The following CHST3 variants were observed in gnomAD, a reference collection of about 807,000 sequenced individuals.
CHST3 encodes the protein C6ST-1.
CHST3 carries 20 observed loss-of-function variants against 35.4 expected under a neutral mutation model. The ratio of observed to expected loss-of-function variants is 0.57; its 90% confidence interval spans 0.40 to 0.82. The LOEUF (loss-of-function observed/expected upper bound fraction) is 0.82. CHST3 is among the 40% of genes least tolerant of loss of function. The pLI is 0.00. For missense variants in CHST3, 693 were observed against 670.1 expected (o/e 1.03, Z -0.38); for synonymous variants, 334 against 295.9 (o/e 1.13, Z -1.32).
intron 1 of CHST3, among the ~76,000 whole-genome samples, chr10:71,978,955 A>C (rs1399040009): frequency 6.6e-6 from 1 of 152,154 alleles, no homozygotes; most frequent in Non-Finnish European, 1.5e-5. Context: ...CCAAGGGGGA[A>C]GTTCAATAAC....
intron 1 of CHST3, among the ~76,000 whole-genome samples, chr10:71,972,372 C>T (rs1011087584): frequency 6.6e-6 from 1 of 152,166 alleles, no homozygotes; most frequent in Non-Finnish European, 1.5e-5. Context: ...GACTGGGAAG[C>T]TCTGGCAATG....
At chr10:71,990,249 A>C (rs1839885086) in intron 1 of CHST3, among the ~76,000 whole-genome samples, 1 of 152,204 alleles carries the variant, frequency 6.6e-6, no homozygotes, top group Admixed American at 6.5e-5. Flanking sequence ...GTCCAAAATC[A>C]AGGAGCCAGC....
chr10:72,010,032 G>A lies in CHST3; in HGVS notation c.*1561G>A, dbSNP rs1020253797. 3.9e-5 allele frequency: 6 copies of A among 152,490 alleles called. No homozygotes were observed. The highest frequency in any genetic ancestry group is 7.3e-5 in the Non-Finnish European group (5 of 68,128). The allele number at this position is 152,490 out of a possible 1,614,324, so 9.4% of individuals were successfully genotyped here. A position where few individuals can be genotyped will look rare whatever the true frequency, so the allele number is the denominator to read the frequency against. On this transcript the variant is annotated 3_prime_UTR_variant, in exon 3 of 3. Transcript: ENST00000373115. Reference sequence around the variant, plus strand: ...GCCACAGTGCCCTATGGGCTTTTCTGTTTGAACCCCATGTGGGATGAATCT... The same window carrying A: ...GCCACAGTGCCCTATGGGCTTTTCTATTTGAACCCCATGTGGGATGAATCT...
At chr10:72,006,122 C>G (rs1840036679) in intron 2 of CHST3, 140 bp downstream of exon 2, 1 of 1,088,886 alleles carries the variant, frequency 9.2e-7, no homozygotes, top group Non-Finnish European at 1.4e-6. Flanking sequence ...ATGTCCCAGG[C>G]AGTGGCTCCT....
chr10:71,981,537 A>G (rs571069497), intron 1 of CHST3, among the ~76,000 whole-genome samples: 1 of 152,324 alleles, frequency 6.6e-6, no homozygotes, highest in South Asian at 2.1e-4. Flanking sequence ...AGGAGGAGAA[A>G]GGACTCCAGC....
chr10:71,989,574 C>T (rs1839878850), intron 1 of CHST3, among the ~76,000 whole-genome samples: 2 of 152,312 alleles, frequency 1.3e-5, no homozygotes, highest in South Asian at 2.1e-4. Flanking sequence ...AAATATTAAG[C>T]GCTAACTGTG....
intron 1 of CHST3, among the ~76,000 whole-genome samples, chr10:71,978,214 C>T (rs536781758): frequency 1.8e-4 from 28 of 152,274 alleles, no homozygotes; most frequent in Non-Finnish European, 2.9e-4. Flanking sequence ...TACCCCATCT[C>T]TAATTAGCTG....
intron 1 of CHST3, among the ~76,000 whole-genome samples, chr10:71,978,239 C>T (rs573559473): frequency 1.6e-4 from 25 of 152,182 alleles, no homozygotes; most frequent in African/African-American, 4.1e-4. Flanking sequence ...TGGTGGCAGG[C>T]GGCTGTAATC....
At chr10:71,998,746 A>T (rs111428892) in intron 1 of CHST3, among the ~76,000 whole-genome samples, 9 of 152,214 alleles carry the variant, frequency 5.9e-5, no homozygotes, top group African/African-American at 1.7e-4. Flanking sequence ...CTCAGGTGAC[A>T]CACCTTTGCC....
At chr10:72,003,869 A>T (rs753263294) in intron 1 of CHST3, among the ~76,000 whole-genome samples, 2 of 152,028 alleles carry the variant, frequency 1.3e-5, no homozygotes, top group African/African-American at 2.4e-5. Context: ...CCTGGGCAAT[A>T]TAGCAAGACC....
intron 2 of CHST3, 148 bp from the exon 3 acceptor site, chr10:72,007,024 C>G: frequency 1.0e-5 from 9 of 881,778 alleles, no homozygotes; most frequent in Non-Finnish European, 1.6e-5. Flanking sequence ...AATAAACTTA[C>G]TTAAACACAA....
Position 72,000,485 on chromosome 10 carries a change from G to T in CHST3, c.-107-5251G>T, listed in dbSNP as rs188429728. Among the ~76,000 whole-genome samples the T allele has an allele frequency of 4.9e-3, 747 of 152,074 alleles. 1 individual carries two copies. Among genetic ancestry groups the T allele is most frequent in the African/African-American group, 0.016 (672 of 41,486 alleles). On this transcript the variant is annotated intron_variant, in intron 1 of 2. Coordinates refer to ENST00000373115, the MANE Select transcript of CHST3 (RefSeq NM_004273.5). Reference sequence around the variant, plus strand: ...CAGGGAAGTACTCCAGAGCTGGGGGGGCATTTGAGCTGAGTCCTGATTGCT... The same window carrying T: ...CAGGGAAGTACTCCAGAGCTGGGGGTGCATTTGAGCTGAGTCCTGATTGCT...
chr10:71,980,459 G>GA (rs201481076), intron 1 of CHST3, among the ~76,000 whole-genome samples: 2,004 of 150,908 alleles, frequency 0.013, 35 homozygotes, highest in African/African-American at 0.037. Flanking sequence ...GTTTAAAAAA[G>GA]AAAAAAAAAG....
intron 1 of CHST3, among the ~76,000 whole-genome samples, chr10:72,005,454 A>G (rs1258046627): frequency 1.3e-4 from 20 of 152,166 alleles, no homozygotes; most frequent in Non-Finnish European, 2.8e-4. Context: ...TATTATAAAC[A>G]TTTATGCTAC....
intron 1 of CHST3, among the ~76,000 whole-genome samples, chr10:72,000,987 C>T (rs1471467140): frequency 1.3e-5 from 2 of 152,010 alleles, no homozygotes; most frequent in African/African-American, 2.4e-5. Flanking sequence ...TGGACGCCGT[C>T]GGGAGCATTA....
At chr10:71,972,878 C>T (rs1464935656) in intron 1 of CHST3, among the ~76,000 whole-genome samples, 1 of 152,200 alleles carries the variant, frequency 6.6e-6, no homozygotes, top group Non-Finnish European at 1.5e-5. Context: ...CCCATGGCTG[C>T]CCACAGGTCC....
chr10:71,981,508 C>G (rs1483763935), intron 1 of CHST3, among the ~76,000 whole-genome samples: 1 of 152,242 alleles, frequency 6.6e-6, no homozygotes, highest in Non-Finnish European at 1.5e-5. Context: ...CCCAGGTCAG[C>G]TCCCTCAACT....
At chr10:71,993,803 A>G (rs1037146067) in intron 1 of CHST3, among the ~76,000 whole-genome samples, 8 of 152,178 alleles carry the variant, frequency 5.3e-5, no homozygotes, top group African/African-American at 1.9e-4. Context: ...ATTAAAATTT[A>G]AAAATTAGCC....
At chr10:71,973,670 G>A (rs1246667367) in intron 1 of CHST3, among the ~76,000 whole-genome samples, 4 of 152,188 alleles carry the variant, frequency 2.6e-5, no homozygotes, top group African/African-American at 7.2e-5. Flanking sequence ...ATAACAGGAG[G>A]GACTTTCAAG....
Sources: gnomAD v4.1 joint callset for allele counts (sites outside exome capture counted in the v4.1 genomes callset) on GRCh38, gnomAD v4.1.1 for gene constraint, MANE v1.5 for transcripts, NCBI Gene and HGNC (gene_info 2026-07-23, HGNC 2026-07-21) for gene names.